Variants in UBTD2 observed in about 807,000 individuals in gnomAD.
The protein encoded by UBTD2 is ubiquitin domain-containing protein 2.
In UBTD2, 9 loss-of-function variants were observed where a neutral mutation model predicts 19.8. That is an observed-to-expected ratio of 0.46 (90% CI 0.27 to 0.79). UBTD2 has a LOEUF of 0.79. UBTD2 is among the 30% of genes least tolerant of loss of function. UBTD2 has a pLI of 0.14. For synonymous variants in UBTD2, 98 were observed against 103.9 expected (o/e 0.94, Z 0.35); for missense variants, 250 against 300.4 (o/e 0.83, Z 1.24).
chr5:172,280,598 T>A (rs937966818), intron 1 of UBTD2, among the ~76,000 whole-genome samples: 4 of 149,860 alleles, frequency 2.7e-5, no homozygotes, highest in African/African-American at 9.8e-5. Flanking sequence ...GCTGCAGTAA[T>A]CTATGATCAT....
At chr5:172,228,243 A>C (rs1771810562) in intron 2 of UBTD2, among the ~76,000 whole-genome samples, 1 of 152,196 alleles carries the variant, frequency 6.6e-6, no homozygotes, top group Admixed American at 6.5e-5. Flanking sequence ...AGGGAGATGA[A>C]ATGACTTGTC....
chr5:172,246,938 T>C (rs986916525), intron 1 of UBTD2, among the ~76,000 whole-genome samples: 10 of 151,024 alleles, frequency 6.6e-5, no homozygotes, highest in Non-Finnish European at 8.9e-5. Context: ...GTATTTTCAG[T>C]AGAGATGGGG....
chr5:172,213,875 C>A (rs759373242), intron 2 of UBTD2, among the ~76,000 whole-genome samples: 26 of 152,186 alleles, frequency 1.7e-4, no homozygotes, highest in Non-Finnish European at 2.2e-4. Flanking sequence ...CAACCTCCGC[C>A]TCCTGGGTCC....
chr5:172,242,913 T>A lies in UBTD2; in HGVS notation c.71-8555A>T, dbSNP rs10056826. ...TTCCCTTTTTAGTAGTAGTAAGGAT[T>A]CATGAACTTTTATTTAGTCAATATA... On this transcript the variant is annotated intron_variant, in intron 1 of 2. Coordinates refer to ENST00000393792, the MANE Select transcript of UBTD2 (RefSeq NM_152277.3). Among the ~76,000 whole-genome samples, 840 of 152,318 alleles carry A rather than the reference T, an allele frequency of 5.5e-3. 11 individuals are homozygous for A. Among genetic ancestry groups the A allele is most frequent in the African/African-American group, 0.019 (782 of 41,554 alleles).
chr5:172,259,084 T>G (rs561657437), intron 1 of UBTD2, among the ~76,000 whole-genome samples: 1 of 152,190 alleles, frequency 6.6e-6, no homozygotes, highest in African/African-American at 2.4e-5. Context: ...TGTGGGTTTG[T>G]CATAGACGGC....
intron 1 of UBTD2, among the ~76,000 whole-genome samples, chr5:172,282,555 C>A (rs1244200828): frequency 6.6e-6 from 1 of 152,076 alleles, no homozygotes; most frequent in Non-Finnish European, 1.5e-5. Flanking sequence ...AAGTTGTAAA[C>A]CCTCCCATAC....
chr5:172,246,441 C>CTTTTT (rs36037402), intron 1 of UBTD2, among the ~76,000 whole-genome samples: 13 of 85,092 alleles, frequency 1.5e-4, no homozygotes, highest in Non-Finnish European at 2.1e-4. Flanking sequence ...ATTGAGATTG[C>CTTTTT]TTTTTTTTTT....
At chr5:172,281,746 A>G (rs771695923) in intron 1 of UBTD2, among the ~76,000 whole-genome samples, 25 of 152,188 alleles carry the variant, frequency 1.6e-4, no homozygotes, top group Non-Finnish European at 2.2e-4. Flanking sequence ...ATCAAATTCC[A>G]GAAATAATCC....
chr5:172,283,577 C>T lies in UBTD2; in HGVS notation c.70+19G>A. ...CGGGAACAATGGGGGGCCGAGGCTG[C>T]CCCCTGGCGCTCACCTACCTCCGGT... On this transcript the variant is annotated intron_variant, in intron 1 of 2. Coordinates refer to ENST00000393792, the MANE Select transcript of UBTD2 (RefSeq NM_152277.3). This position sits in a 1 kb window ranked among gnomAD's most constrained non-coding sequence, Gnocchi z 4.3. The T allele has an allele frequency of 7.7e-7, 1 of 1,295,560 alleles. No homozygotes were observed. 80.3% of individuals were successfully genotyped at this position (1,295,560 alleles called of 1,614,324 possible).
intron 1 of UBTD2, among the ~76,000 whole-genome samples, chr5:172,255,945 C>T (rs1395727289): frequency 2.0e-5 from 3 of 151,896 alleles, no homozygotes; most frequent in South Asian, 2.1e-4. Flanking sequence ...AAAAATTAGC[C>T]GGGCGTGGTG....
intron 1 of UBTD2, among the ~76,000 whole-genome samples, chr5:172,243,550 A>G (rs1772174062): frequency 8.2e-6 from 1 of 122,472 alleles, no homozygotes; most frequent in Non-Finnish European, 1.7e-5. Flanking sequence ...GAATTGTGAG[A>G]AACCTTTTTT....
In UBTD2 at chr5:172,211,666, G is replaced by T; in HGVS notation, c.*164C>A. 3 of 644,566 alleles carry T rather than the reference G, an allele frequency of 4.7e-6. No individual in the cohort carries two copies. The highest frequency in any genetic ancestry group is 4.7e-6 in the Non-Finnish European group (2 of 424,758). The allele number at this position is 644,566 out of a possible 1,614,324, so 39.9% of individuals were successfully genotyped here. Reference sequence around the variant, plus strand: ...TCTTTGTGTTTTATTATTTTTGTTGGTCTCCATCACAGATGGAATTTTTCA... The same window carrying T: ...TCTTTGTGTTTTATTATTTTTGTTGTTCTCCATCACAGATGGAATTTTTCA... On this transcript the variant is annotated 3_prime_UTR_variant, in exon 3 of 3. Transcript: ENST00000393792.
At chr5:172,234,708 A>T (rs1407748083) in intron 1 of UBTD2, among the ~76,000 whole-genome samples, 1 of 152,096 alleles carries the variant, frequency 6.6e-6, no homozygotes, top group Non-Finnish European at 1.5e-5. Context: ...GGAGTTCGAG[A>T]CTAGCCTGGG....
chr5:172,282,988 C>T (rs774246627), intron 1 of UBTD2, among the ~76,000 whole-genome samples: 3 of 152,146 alleles, frequency 2.0e-5, no homozygotes, highest in Admixed American at 1.3e-4. Flanking sequence ...TAGCTAGGAG[C>T]CACGTTTTAC....
chr5:172,278,884 C>T (rs1322938717), intron 1 of UBTD2, among the ~76,000 whole-genome samples: 2 of 152,158 alleles, frequency 1.3e-5, no homozygotes, highest in African/African-American at 4.8e-5. Flanking sequence ...AAGCGATTCT[C>T]CTGCCTCAGC....
chr5:172,258,184 AAAG>A (rs1755198070), intron 1 of UBTD2, among the ~76,000 whole-genome samples: 1 of 152,186 alleles, frequency 6.6e-6, no homozygotes, highest in Non-Finnish European at 1.5e-5. Context: ...TAGATGGCGA[AAAG>A]AAGGGGTACA....
chr5:172,274,043 C>T (rs754833888), intron 1 of UBTD2, among the ~76,000 whole-genome samples: 1 of 151,984 alleles, frequency 6.6e-6, no homozygotes, highest in Non-Finnish European at 1.5e-5. Flanking sequence ...GCTCACCGAC[C>T]CAGAAAATAT....
chr5:172,251,314 C>CAAAAAAAAAAAAAAAAAAAAAAAAA (rs57577423), intron 1 of UBTD2, among the ~76,000 whole-genome samples: 1 of 118,218 alleles, frequency 8.5e-6, no homozygotes, highest in African/African-American at 3.4e-5. Context: ...GAGCCTATCT[C>CAAAAAAAAAAAAAAAAAAAAAAAAA]AAAAAAAAAA....
At chr5:172,242,206 C>T (rs1184133262) in intron 1 of UBTD2, among the ~76,000 whole-genome samples, 1 of 152,142 alleles carries the variant, frequency 6.6e-6, no homozygotes, top group East Asian at 1.9e-4. Context: ...GAACCATGAG[C>T]CAAATAAAAC....
Sources: gnomAD v4.1 joint callset for allele counts (sites outside exome capture counted in the v4.1 genomes callset) on GRCh38, gnomAD v4.1.1 for gene constraint, Gnocchi (gnomAD v3.1) non-coding constraint, MANE v1.5 for transcripts, NCBI Gene and HGNC (gene_info 2026-07-23, HGNC 2026-07-21) for gene names.